ACAN: variants seen among roughly 807,000 people sequenced by gnomAD.
ACAN encodes the protein aggrecan.
ACAN carries 47 observed loss-of-function variants against 169.1 expected under a neutral mutation model. The observed-to-expected ratio is 0.28, with a 90% CI of 0.22 to 0.35. ACAN has a LOEUF of 0.35. ACAN is among the 10% of genes least tolerant of loss of function. ACAN has a pLI of 1.00. For synonymous variants in ACAN, 1,115 were observed against 1,112.2 expected (o/e 1.00, Z -0.05); for missense variants, 2,716 against 2,759.9 (o/e 0.98, Z 0.36).
intron 1 of ACAN, among the ~76,000 whole-genome samples, chr15:88,827,683 C>T (rs1216459048): frequency 2.0e-5 from 3 of 152,216 alleles, no homozygotes; most frequent in Non-Finnish European, 2.9e-5. Context: ...GGGGCATACA[C>T]AATGCAGGTG....
Position 88,873,080 on chromosome 15 carries a change from C to T in ACAN, c.7447+55C>T. ...AGGATAGGATCAAGACCTCCAGCTA[C>T]AGGTGAGGCTCTTGCTGTGTGGCCT... On this transcript the variant is annotated intron_variant, in intron 17 of 18. Transcript: ENST00000560601. The surrounding 1 kb of genome is among the most constrained non-coding windows in gnomAD (Gnocchi z 7.5). The T allele has an allele frequency of 1.9e-6, 3 of 1,579,030 alleles. No individual in the cohort carries two copies. The highest frequency in any genetic ancestry group is 1.2e-5 in the South Asian group (1 of 85,744).
In ACAN at chr15:88,868,391, C is replaced by T; in HGVS notation, c.7060+62C>T. ...GCTGCACCCCCTCCTCCTCCCTCAC[C>T]TTTCCCTCCTAACAACAGGCTCCAG... On this transcript the variant is annotated intron_variant, in intron 14 of 18. Coordinates refer to ENST00000560601, the MANE Select transcript of ACAN (RefSeq NM_001369268.1). This position sits in a 1 kb window ranked among gnomAD's most constrained non-coding sequence, Gnocchi z 5.2. 1 of 677,472 alleles carries T rather than the reference C, an allele frequency of 1.5e-6. No individual in the cohort carries two copies. The highest frequency in any genetic ancestry group is 1.6e-5 in the South Asian group (1 of 63,126). 42.0% of individuals were successfully genotyped at this position (677,472 alleles called of 1,614,324 possible).
chr15:88,844,668 C>G (rs114868414), intron 6 of ACAN, among the ~76,000 whole-genome samples: 1 of 152,198 alleles, frequency 6.6e-6, no homozygotes, highest in South Asian at 2.1e-4. Flanking sequence ...CCACCACGCC[C>G]GGCCACAAAA....
Position 88,851,980 on chromosome 15 carries a change from A to G in ACAN, c.2213A>G (p.Asn738Ser), listed in dbSNP as rs752367506. The change falls in exon 11 of 19, where the codon AAC (asparagine) becomes AGC (serine). Residue 738 changes from asparagine (N) to serine (S), a missense_variant. By Grantham distance (46) the Asn-to-Ser change is conservative. Around this residue, in one of 3 missense-constraint regions of ACAN, gnomAD observed 1,283 missense variants for 1,281.5 expected, o/e 1.00. Coordinates refer to ENST00000560601, the MANE Select transcript of ACAN (RefSeq NM_001369268.1). This position sits in a 1 kb window ranked among gnomAD's most constrained non-coding sequence, Gnocchi z 4.3. ...CTAGAGTTCACCACCGAGCCAGAAA[A>G]CCAGACAGAATGGGAACCAGCCTAT... Reference protein sequence around the residue: ...AILEFTTEPENQTEWEPAYTP... With the variant: ...AILEFTTEPESQTEWEPAYTP... 6.2e-7 allele frequency: 1 copy of G among 1,611,768 alleles called. No individual in the cohort carries two copies. The highest frequency in any genetic ancestry group is 2.2e-5 in the East Asian group (1 of 44,720).
chr15:88,824,654 G>T (rs182190020), intron 1 of ACAN, among the ~76,000 whole-genome samples: 1 of 152,134 alleles, frequency 6.6e-6, no homozygotes, highest in Admixed American at 6.5e-5. Flanking sequence ...CAAGTCAAGC[G>T]GATTACCTGA....
chr15:88,804,414 G>C (rs62023479), intron 1 of ACAN, among the ~76,000 whole-genome samples: 49,289 of 152,090 alleles, frequency 0.32, 9,080 homozygotes, highest in East Asian at 0.54. Context: ...CCAGGGGAGA[G>C]TGGCAGAACC....
rs16942299 is a variant in ACAN, at chr15:88,836,438, G to A, written c.70+162G>A. ...CCCCTGTTGATGCATGCATAACTGTGATGGGATAGCACCCATGCGCGGGCA... is the reference window on the plus strand; with the variant it reads ...CCCCTGTTGATGCATGCATAACTGTAATGGGATAGCACCCATGCGCGGGCA... On this transcript the variant is annotated intron_variant, in intron 2 of 18. Transcript: ENST00000560601. Among the ~76,000 whole-genome samples, 540 of 152,240 alleles carry A rather than the reference G, an allele frequency of 3.5e-3. 9 individuals carry two copies. Among genetic ancestry groups the A allele is most frequent in the Admixed American group, 0.03 (461 of 15,306 alleles).
At chr15:88,864,548 A>C (rs1485845712) in intron 13 of ACAN, among the ~76,000 whole-genome samples, 3 of 152,218 alleles carry the variant, frequency 2.0e-5, no homozygotes, top group Non-Finnish European at 1.5e-5. Context: ...TACAAGTGTG[A>C]GCCACCGCGC....
chr15:88,853,257 C>A (rs1018553464), intron 11 of ACAN, among the ~76,000 whole-genome samples: 1 of 152,210 alleles, frequency 6.6e-6, no homozygotes, highest in African/African-American at 2.4e-5. Context: ...AGTTCCTGAC[C>A]ACCTTGCTGA....
chr15:88,840,883 G>A (rs552426510), intron 4 of ACAN, among the ~76,000 whole-genome samples: 19 of 152,250 alleles, frequency 1.2e-4, no homozygotes, highest in African/African-American at 2.4e-4. Flanking sequence ...AGTGGCTCAT[G>A]CCTGTAATCC....
chr15:88,805,612 C>T (rs1009198922), intron 1 of ACAN, among the ~76,000 whole-genome samples: 1 of 152,134 alleles, frequency 6.6e-6, no homozygotes, highest in African/African-American at 2.4e-5. Flanking sequence ...AATGCTGGCC[C>T]ACAGCGGGTA....
Position 88,807,747 on chromosome 15 carries a change from A to AGTGTGTGT in ACAN, c.-8+3970_-8+3977dup, listed in dbSNP as rs33937048. ...CTCAGAGCCTCCTTATAAGTGGTGG[A>AGTGTGTGT]GTGTGTGTGTGTGTGTGTGTGTGTG... is the stretch of plus-strand genomic sequence containing the variant. On this transcript the variant is annotated intron_variant, in intron 1 of 18. Transcript: ENST00000560601. The surrounding 1 kb of genome is among the most constrained non-coding windows in gnomAD (Gnocchi z 4.0). Among the ~76,000 whole-genome samples, 24,499 of 141,864 alleles carry AGTGTGTGT rather than the reference A, an allele frequency of 0.17. 2,354 individuals are homozygous for AGTGTGTGT. The highest frequency in any genetic ancestry group is 0.25 in the Admixed American group (3,644 of 14,422). The allele number at this position is 141,864 out of a possible 152,430, so 93.1% of individuals were successfully genotyped here.
At position 88,847,407 on chromosome 15, in the gene ACAN, C is replaced by A; in HGVS notation, c.1594C>A (p.Gln532Lys). 1 of 1,575,454 alleles carries A rather than the reference C, an allele frequency of 6.3e-7. No individual in the cohort carries two copies. Among genetic ancestry groups the A allele is most frequent in the Non-Finnish European group, 8.6e-7 (1 of 1,157,254 alleles). ...GTGTGACGCCGGCTGGCTGCGGGAC[C>A]AGACCGTCAGGTGAAGCCATGCTCC... ...EQCDAGWLRD[Q>K]TVRYPIVSPR... Residue 532 changes from glutamine (Q) to lysine (K), a missense_variant, in exon 8 of 19, where the codon CAG (glutamine) becomes AAG (lysine). Transcript: ENST00000560601.
chr15:88,836,456 C>T (rs933342636), intron 2 of ACAN, among the ~76,000 whole-genome samples, 180 bp downstream of exon 2: 2 of 152,144 alleles, frequency 1.3e-5, no homozygotes, highest in South Asian at 2.1e-4. Flanking sequence ...AGCACCCATG[C>T]GCGGGCACAC....
intron 1 of ACAN, among the ~76,000 whole-genome samples, chr15:88,813,161 T>C (rs1365981360): frequency 6.6e-6 from 1 of 152,184 alleles, no homozygotes; most frequent in Non-Finnish European, 1.5e-5. Flanking sequence ...TGGCACACAG[T>C]AGGTGGTCAA....
Position 88,848,034 on chromosome 15 carries a change from T to G in ACAN, c.1728T>G (p.Leu576=). The change falls in exon 9 of 19, where the codon CTT becomes CTG. Residue 576 remains leucine, a synonymous_variant. Transcript: ENST00000560601. ...ATGTCTACTGCTTTGTAGACAGACT[T>G]GAGGGTACAAGCCACATTCTCACAT... The part of the protein sequence containing the change: ...TYDVYCFVDR[L]EGEVFFATRL... The G allele has an allele frequency of 6.2e-7, 1 of 1,613,440 alleles. No homozygotes were observed. Among genetic ancestry groups the G allele is most frequent in the Non-Finnish European group, 8.5e-7 (1 of 1,179,684 alleles).
At position 88,869,509 on chromosome 15, in the gene ACAN, T is replaced by C. The variant is rs566457740; in HGVS notation, c.7060+1180T>C. Reference sequence around the variant, plus strand: ...TCACCCCAAGACCCCAAGAAATTGGTATATGGGGTCTTGGCTGGGGTGGAA... The same window carrying C: ...TCACCCCAAGACCCCAAGAAATTGGCATATGGGGTCTTGGCTGGGGTGGAA... On this transcript the variant is annotated intron_variant, in intron 14 of 18. Transcript: ENST00000560601. The surrounding 1 kb of genome is among the most constrained non-coding windows in gnomAD (Gnocchi z 4.2). 1.3e-5 allele frequency among the ~76,000 whole-genome samples: 2 copies of C among 152,202 alleles called. No homozygotes were observed. The highest frequency in any genetic ancestry group is 3.9e-4 in the East Asian group (2 of 5,166).
Position 88,855,006 on chromosome 15 carries a change from C to T in ACAN, c.2421C>T (p.Pro807=), listed in dbSNP as rs1009463549. ...EEPSPSEEPF[P]SVRPFPSVEL... ...CATCCCCCTCAGAGGAACCATTCCC[C>T]TCAGTGAGGCCATTCCCCTCAGTGG... Residue 807 remains proline, a synonymous_variant, in exon 12 of 19, where the codon CCC becomes CCT. Coordinates refer to ENST00000560601, the MANE Select transcript of ACAN (RefSeq NM_001369268.1). The T allele has an allele frequency of 1.9e-6, 3 of 1,595,550 alleles. No homozygotes were observed. The highest frequency in any genetic ancestry group is 2.2e-5 in the East Asian group (1 of 44,460).
In ACAN at chr15:88,849,679, C is replaced by A; in HGVS notation, c.1974C>A (p.Asn658Lys). The A allele has an allele frequency of 6.2e-7, 1 of 1,613,864 alleles. No individual in the cohort carries two copies. Among genetic ancestry groups the A allele is most frequent in the Non-Finnish European group, 8.5e-7 (1 of 1,179,860 alleles). ...TGAGAACGGTCTACCTCTACCCTAA[C>A]CAGACGGGCCTCCCAGACCCACTGT... ...PGVRTVYLYP[N>K]QTGLPDPLSR... The change falls in exon 10 of 19, where the codon AAC (asparagine) becomes AAA (lysine). Residue 658 changes from asparagine to lysine, a missense_variant. This residue lies in a region of ACAN where 1,283 missense variants were observed against 1,281.5 expected (regional missense o/e 1.00). Transcript: ENST00000560601. The surrounding 1 kb of genome is among the most constrained non-coding windows in gnomAD (Gnocchi z 5.1).
Sources: allele counts gnomAD v4.1 joint callset (sites outside exome capture counted in the v4.1 genomes callset), GRCh38; gene constraint gnomAD v4.1.1; regional missense constraint gnomAD v4.1.1; non-coding constraint Gnocchi (gnomAD v3.1); transcripts MANE v1.5; gene names NCBI Gene and HGNC (gene_info 2026-07-23, HGNC 2026-07-21).